The following CNTN4 variants were observed in gnomAD, a reference collection of about 807,000 sequenced individuals.
CNTN4 encodes the protein contactin 4.
CNTN4 carries 77 observed loss-of-function variants against 122.5 expected under a neutral mutation model. That is an observed-to-expected ratio of 0.63 (90% CI 0.52 to 0.76). The LOEUF (loss-of-function observed/expected upper bound fraction) is 0.76, where lower values mean the gene tolerates loss of function less well. Ranked by LOEUF, CNTN4 falls within the 30% of genes least tolerant of loss-of-function variation. The pLI is 0.00. For missense variants in CNTN4, 1,256 were observed against 1,259.1 expected (o/e 1.00, Z 0.04); for synonymous variants, 512 against 447.0 (o/e 1.15, Z -1.83).
intron 3 of CNTN4, among the ~76,000 whole-genome samples, chr3:2,500,942 C>A (rs769095752): frequency 6.6e-6 from 1 of 152,038 alleles, no homozygotes; most frequent in Non-Finnish European, 1.5e-5. Flanking sequence ...TTTTCCCCCC[C>A]GCACAATGTA....
At chr3:2,713,552 C>T (rs957156740) in intron 4 of CNTN4, among the ~76,000 whole-genome samples, 2 of 152,084 alleles carry the variant, frequency 1.3e-5, no homozygotes, top group South Asian at 4.1e-4. Context: ...GGGAGGACCC[C>T]TCTGGAATGC....
In CNTN4 at chr3:2,852,449, C is replaced by G. The variant is rs200669848; in HGVS notation, c.455-14303C>G. Reference sequence around the variant, plus strand: ...GGTCTTCAGAATAAATTTAAAGGAACATGTAAGTCATCAAATGATTCTATT... The same window carrying G: ...GGTCTTCAGAATAAATTTAAAGGAAGATGTAAGTCATCAAATGATTCTATT... On this transcript the variant is annotated intron_variant, in intron 7 of 24. Coordinates refer to ENST00000418658, the MANE Select transcript of CNTN4 (RefSeq NM_175607.3). Among the ~76,000 whole-genome samples, 8 of 152,278 alleles carry G rather than the reference C, an allele frequency of 5.3e-5. No individual in the cohort carries two copies. The East Asian group carries it at 7.7e-4, about 15-fold the overall frequency.
At chr3:2,170,709 G>GA (rs1559308677) in intron 2 of CNTN4, among the ~76,000 whole-genome samples, 1 of 152,120 alleles carries the variant, frequency 6.6e-6, no homozygotes, top group African/African-American at 2.4e-5. Context: ...TTGGAAGAGG[G>GA]AATGGGAGAC....
intron 3 of CNTN4, among the ~76,000 whole-genome samples, chr3:2,472,753 T>G (rs775059883): frequency 6.6e-6 from 1 of 152,186 alleles, no homozygotes; most frequent in Non-Finnish European, 1.5e-5. Context: ...GAAAAACATT[T>G]GACATTAGAT....
intron 3 of CNTN4, among the ~76,000 whole-genome samples, chr3:2,470,928 C>T (rs149256991): frequency 4.6e-5 from 7 of 152,210 alleles, no homozygotes; most frequent in Non-Finnish European, 7.3e-5. Context: ...GGACAAAATA[C>T]AGCCTTTACC....
chr3:2,933,237 G>T (rs553749140), intron 13 of CNTN4, among the ~76,000 whole-genome samples: 1 of 152,242 alleles, frequency 6.6e-6, no homozygotes, highest in Admixed American at 6.5e-5. Context: ...GTCAGCCAAG[G>T]GATAATTTCT....
At chr3:2,746,146 C>CAAATTTTACACACACACACACACAT (rs1559458366) in intron 6 of CNTN4, among the ~76,000 whole-genome samples, 1 of 152,120 alleles carries the variant, frequency 6.6e-6, no homozygotes, top group Non-Finnish European at 1.5e-5. Context: ...AGCAATTGAG[C>CAAATTTTACACACACACACACACAT]TGCCAGTAAT....
At chr3:2,171,921 T>G (rs1033786137) in intron 2 of CNTN4, among the ~76,000 whole-genome samples, 2 of 152,210 alleles carry the variant, frequency 1.3e-5, no homozygotes, top group Non-Finnish European at 2.9e-5. Context: ...CAGGAGCACC[T>G]AGGAACTTGT....
intron 2 of CNTN4, among the ~76,000 whole-genome samples, chr3:2,270,941 C>T (rs148664571): frequency 6.6e-6 from 1 of 152,210 alleles, no homozygotes; most frequent in African/African-American, 2.4e-5. Context: ...CCTGTTCCCT[C>T]CTAAAGAACT....
chr3:2,863,444 CTT>C (rs5846228), intron 7 of CNTN4, among the ~76,000 whole-genome samples: 1,790 of 92,336 alleles, frequency 0.019, 22 homozygotes, highest in Non-Finnish European at 0.025. Context: ...ATGGTTTCTT[CTT>C]TTTTTTTTTT....
At chr3:2,714,326 A>G (rs937333078) in intron 4 of CNTN4, among the ~76,000 whole-genome samples, 12 of 152,186 alleles carry the variant, frequency 7.9e-5, no homozygotes, top group East Asian at 3.8e-4. Context: ...AAATTCAGAC[A>G]TGTATGATTC....
chr3:2,123,846 C>G (rs1321377844), intron 2 of CNTN4, among the ~76,000 whole-genome samples: 1 of 152,150 alleles, frequency 6.6e-6, no homozygotes, highest in East Asian at 1.9e-4. Context: ...ACTGGTCATC[C>G]TGACTCTCTA....
intron 2 of CNTN4, among the ~76,000 whole-genome samples, chr3:2,337,007 C>T (rs916429108): frequency 4.6e-5 from 7 of 151,962 alleles, no homozygotes; most frequent in East Asian, 2.0e-4. Context: ...GGTTGAATCA[C>T]GTAGAACATA....
chr3:2,948,620 C>A (rs1310208201), intron 13 of CNTN4, among the ~76,000 whole-genome samples: 1 of 152,120 alleles, frequency 6.6e-6, no homozygotes, highest in Non-Finnish European at 1.5e-5. Context: ...TCTTGTTAAT[C>A]TATTTGTTTA....
At chr3:2,682,302 G>A (rs2085204371) in intron 4 of CNTN4, among the ~76,000 whole-genome samples, 1 of 152,206 alleles carries the variant, frequency 6.6e-6, no homozygotes, top group African/African-American at 2.4e-5. Context: ...CCTGTGGGCT[G>A]AAGAGATCAA....
At chr3:2,304,817 G>A (rs1233920926) in intron 2 of CNTN4, among the ~76,000 whole-genome samples, 3 of 150,438 alleles carry the variant, frequency 2.0e-5, no homozygotes, top group African/African-American at 7.3e-5. Flanking sequence ...CCATTGTAAT[G>A]TATGTGGCTT....
chr3:3,039,859 T>A (rs1699981639), intron 19 of CNTN4, 178 bp from the exon 20 acceptor site: 1 of 639,072 alleles, frequency 1.6e-6, no homozygotes, highest in Non-Finnish European at 2.9e-6. Context: ...GTCCAGTACA[T>A]CATAACTGTT....
intron 14 of CNTN4, among the ~76,000 whole-genome samples, chr3:3,014,553 C>G (rs1697561217): frequency 6.6e-6 from 1 of 152,004 alleles, no homozygotes; most frequent in African/African-American, 2.4e-5. Context: ...TCTAAAAATT[C>G]TTTTCTGGCT....
At position 2,821,006 on chromosome 3, in the gene CNTN4, A is replaced by G. The variant is rs1006202876; in HGVS notation, c.454+1425A>G. Among the ~76,000 whole-genome samples, 14 of 131,210 alleles carry G rather than the reference A, an allele frequency of 1.1e-4. No individual in the cohort carries two copies. In the East Asian group the frequency reaches 1.7e-3, roughly 16 times the overall value. The allele number at this position is 131,210 out of a possible 152,430, so 86.1% of individuals were successfully genotyped here. A position where few individuals can be genotyped will look rare whatever the true frequency, so the allele number is the denominator to read the frequency against. On this transcript the variant is annotated intron_variant, in intron 7 of 24. Transcript: ENST00000418658. ...AGACAGAGTCTCGCTTTGTCACCCAATCTGGAGTGTGGTGGTGCAATCTCG... is the reference window on the plus strand; with the variant it reads ...AGACAGAGTCTCGCTTTGTCACCCAGTCTGGAGTGTGGTGGTGCAATCTCG...
Sources: allele counts gnomAD v4.1 joint callset (sites outside exome capture counted in the v4.1 genomes callset), GRCh38; gene constraint gnomAD v4.1.1; transcripts MANE v1.5; gene names NCBI Gene and HGNC (gene_info 2026-07-23, HGNC 2026-07-21).